CAPS2: variants seen among roughly 807,000 people sequenced by gnomAD.
CAPS2 encodes the protein calcyphosine 2.
In CAPS2, 98 loss-of-function variants were observed where a neutral mutation model predicts 86.5. The observed-to-expected ratio is 1.13, with a 90% CI of 0.96 to 1.34. CAPS2 has a LOEUF of 1.34. CAPS2 is among the 40% of genes most tolerant of loss of function. The pLI, the probability that CAPS2 is intolerant of heterozygous loss-of-function variation, is 0.00. For synonymous variants in CAPS2, 210 were observed against 225.1 expected (o/e 0.93, Z 0.60); for missense variants, 729 against 686.8 (o/e 1.06, Z -0.69).
chr12:75,307,146 A>G (rs2038602505), intron 7 of CAPS2, among the ~76,000 whole-genome samples: 2 of 152,210 alleles, frequency 1.3e-5, no homozygotes, highest in Admixed American at 6.5e-5. Flanking sequence ...GTGTAGCCCT[A>G]TCTGGTCATT....
At chr12:75,362,685 G>A (rs917198167) in intron 1 of CAPS2, among the ~76,000 whole-genome samples, 9 of 152,152 alleles carry the variant, frequency 5.9e-5, no homozygotes, top group South Asian at 2.1e-4. Context: ...CTGTCAAGTC[G>A]TACATCATCA....
At chr12:75,340,572 A>T (rs1197117900) in intron 1 of CAPS2, among the ~76,000 whole-genome samples, 2 of 152,072 alleles carry the variant, frequency 1.3e-5, no homozygotes, top group African/African-American at 4.8e-5. Context: ...ATTTTTAAAA[A>T]GTCAACAAAT....
chr12:75,321,262 C>T (rs1194655689), intron 5 of CAPS2, 138 bp downstream of exon 5: 1 of 581,370 alleles, frequency 1.7e-6, no homozygotes, highest in Non-Finnish European at 2.9e-6. Flanking sequence ...TTACAACAGT[C>T]CTTGATATGC....
intron 1 of CAPS2, chr12:75,366,891 T>C (rs1243973090): frequency 1.4e-6 from 1 of 701,696 alleles, no homozygotes; most frequent in East Asian, 2.7e-5. Flanking sequence ...GAGGGTTCCC[T>C]GTAGGGCCAC....
In CAPS2 at chr12:75,299,965, G is replaced by C. The variant is rs1054066509; in HGVS notation, c.780-54C>G. On this transcript the variant is annotated intron_variant, in intron 8 of 16. Coordinates refer to ENST00000393284, the Ensembl canonical transcript of CAPS2. Reference sequence around the variant, plus strand: ...TTTTCAAGATACCTATAACTTGATGGAAATTGTAAATGTACAAAAAAAGTT... The same window carrying C: ...TTTTCAAGATACCTATAACTTGATGCAAATTGTAAATGTACAAAAAAAGTT... 21 of 704,218 alleles carry C rather than the reference G, an allele frequency of 3.0e-5. 1 individual carries two copies. In the South Asian group the frequency reaches 4.1e-4, roughly 14 times the overall value. The allele number at this position is 704,218 out of a possible 1,614,324, so 43.6% of individuals were successfully genotyped here. A position where few individuals can be genotyped will look rare whatever the true frequency, so the allele number is the denominator to read the frequency against.
At chr12:75,306,351 T>C (rs1342481444) in intron 7 of CAPS2, 2 of 486,042 alleles carry the variant, frequency 4.1e-6, no homozygotes, top group Admixed American at 3.1e-5. Flanking sequence ...TAACAGTGTC[T>C]CTGAGGACTA....
upstream of CAPS2, chr12:75,334,337 C>T (rs143020901): frequency 7.3e-6 from 2 of 273,050 alleles, no homozygotes; most frequent in East Asian, 2.9e-4. Flanking sequence ...ATATATAGTG[C>T]TTTGCACTCG....
At chr12:75,375,782 G>A (rs1452188096) in intron 1 of CAPS2, among the ~76,000 whole-genome samples, 1 of 152,220 alleles carries the variant, frequency 6.6e-6, no homozygotes, top group Non-Finnish European at 1.5e-5. Context: ...TGCTTTGGCT[G>A]TGCTGTCCAT....
intron 1 of CAPS2, among the ~76,000 whole-genome samples, chr12:75,377,160 A>G (rs1402383548): frequency 5.3e-5 from 8 of 152,200 alleles, no homozygotes; most frequent in Admixed American, 4.6e-4. Flanking sequence ...TATTAGAAGT[A>G]GAGTCCTTAG....
chr12:75,330,322 G>C (rs560007736), upstream of CAPS2, among the ~76,000 whole-genome samples: 7 of 152,348 alleles, frequency 4.6e-5, no homozygotes, highest in African/African-American at 1.7e-4. Flanking sequence ...CCAGGGAACC[G>C]GCTCCGCGGC....
At chr12:75,278,357 C>T (rs1214826354) in exon 17 of CAPS2, 1 of 984,158 alleles carries the variant, frequency 1.0e-6, no homozygotes, top group Non-Finnish European at 1.2e-6. Flanking sequence ...AATCACACTG[C>T]TTGAAAAATT....
At chr12:75,348,400 A>G (rs930013165) in intron 1 of CAPS2, among the ~76,000 whole-genome samples, 1 of 152,240 alleles carries the variant, frequency 6.6e-6, no homozygotes, top group Non-Finnish European at 1.5e-5. Flanking sequence ...AAATGTGTAT[A>G]TATCTCTCTG....
At chr12:75,298,049 C>A (rs1013275441) in intron 11 of CAPS2, among the ~76,000 whole-genome samples, 1 of 152,158 alleles carries the variant, frequency 6.6e-6, no homozygotes, top group Admixed American at 6.5e-5. Context: ...ACTTACTGTT[C>A]CATCTACAGA....
chr12:75,351,795 C>G (rs1421714958), intron 1 of CAPS2, among the ~76,000 whole-genome samples: 1 of 152,188 alleles, frequency 6.6e-6, no homozygotes, highest in Non-Finnish European at 1.5e-5. Context: ...GATCCACCCT[C>G]CTTGGCCTCC....
intron 1 of CAPS2, among the ~76,000 whole-genome samples, chr12:75,336,795 C>T (rs2041765191): frequency 6.6e-6 from 1 of 151,656 alleles, no homozygotes; most frequent in Admixed American, 6.6e-5. Flanking sequence ...TGACATTAAA[C>T]AATTTATACC....
At chr12:75,278,910 G>T (rs148352401) in exon 17 of CAPS2, 1 of 1,587,808 alleles carries the variant, frequency 6.3e-7, no homozygotes, top group Non-Finnish European at 8.5e-7. Flanking sequence ...CATGGAGTAC[G>T]TAAGATGTTA....
intron 1 of CAPS2, among the ~76,000 whole-genome samples, chr12:75,342,035 G>T (rs934651561): frequency 1.3e-5 from 2 of 152,080 alleles, no homozygotes; most frequent in Non-Finnish European, 2.9e-5. Context: ...GAGTCACCAC[G>T]CCTGGCCACC....
rs1198208029 is a variant in CAPS2, at chr12:75,321,580, T to C, written c.292-4A>G. The C allele has an allele frequency of 5.2e-6, 8 of 1,531,744 alleles. No homozygotes were observed. Among genetic ancestry groups the C allele is most frequent in the Middle Eastern group, 3.4e-4 (2 of 5,922 alleles). 94.9% of individuals were successfully genotyped at this position (1,531,744 alleles called of 1,614,324 possible). A position where few individuals can be genotyped will look rare whatever the true frequency, so the allele number is the denominator to read the frequency against. Reference sequence around the variant, plus strand: ...TTTCAGGTATTATGTTCTGATCCTATAGGTAAAAAGAAAAAAGCATGCTAT... The same window carrying C: ...TTTCAGGTATTATGTTCTGATCCTACAGGTAAAAAGAAAAAAGCATGCTAT... On this transcript the variant is annotated splice_polypyrimidine_tract_variant and splice_region_variant and intron_variant, in intron 4 of 16. Transcript: ENST00000393284.
At chr12:75,383,572 A>C (rs1162405598) in intron 1 of CAPS2, among the ~76,000 whole-genome samples, 1 of 152,182 alleles carries the variant, frequency 6.6e-6, no homozygotes, top group East Asian at 1.9e-4. Flanking sequence ...AAATAGACGA[A>C]TCTACTATTA....
Sources: allele counts gnomAD v4.1 joint callset (sites outside exome capture counted in the v4.1 genomes callset), GRCh38; gene constraint gnomAD v4.1.1; transcripts MANE v1.5; gene names NCBI Gene and HGNC (gene_info 2026-07-23, HGNC 2026-07-21).